TRPC4AP: variants seen among roughly 807,000 people sequenced by gnomAD.
TRPC4AP encodes the protein transient receptor potential cation channel subfamily C member 4 associated protein.
TRPC4AP carries 45 observed loss-of-function variants against 99.0 expected under a neutral mutation model. The ratio of observed to expected loss-of-function variants is 0.45; its 90% CI spans 0.36 to 0.58. TRPC4AP has a LOEUF of 0.58. TRPC4AP is among the 20% of genes least tolerant of loss of function. TRPC4AP has a pLI of 0.00. For missense variants in TRPC4AP, 879 were observed against 985.3 expected, an observed-to-expected ratio of 0.89 and a Z score of 1.44; for synonymous variants, 408 against 385.8, an observed-to-expected ratio of 1.06 and a Z score of -0.67.
In TRPC4AP at chr20:35,086,525, A is replaced by ATATG. The variant is rs1447423250; in HGVS notation, c.168+6088_168+6089insCATA. 1.2e-3 allele frequency among the ~76,000 whole-genome samples: 80 copies of ATATG among 69,224 alleles called. 2 individuals are homozygous for ATATG. The highest frequency in any genetic ancestry group is 4.4e-3 in the African/African-American group (77 of 17,516). 45.4% of individuals were successfully genotyped at this position (69,224 alleles called of 152,430 possible). ...TATATATATGTGTGTGTGTGTATAT[A>ATATG]TGTGTGTGTGTGTGTGTGTGTGTGT... is the stretch of plus-strand genomic sequence containing the variant. On this transcript the variant is annotated intron_variant, in intron 1 of 18. Coordinates refer to ENST00000252015, the MANE Select transcript of TRPC4AP (RefSeq NM_015638.3).
intron 8 of TRPC4AP, among the ~76,000 whole-genome samples, chr20:35,032,065 T>C (rs767068491): frequency 8.5e-5 from 13 of 152,174 alleles, no homozygotes; most frequent in Non-Finnish European, 1.6e-4. Context: ...AGCTTTTGTA[T>C]TTTTAATAGA....
chr20:35,065,488 A>G (rs2084119816), intron 3 of TRPC4AP, among the ~76,000 whole-genome samples: 1 of 152,240 alleles, frequency 6.6e-6, no homozygotes, highest in Non-Finnish European at 1.5e-5. Flanking sequence ...AGCTTTGGGC[A>G]GCATGACCAA....
rs1569158071 is a variant in TRPC4AP at position 35,086,539 on chromosome 20, G to GTATATATATA, written c.168+6074_168+6075insTATATATATA. Among the ~76,000 whole-genome samples the GTATATATATA allele has an allele frequency of 1.7e-3, 28 of 16,278 alleles. 2 individuals carry two copies. Among genetic ancestry groups the GTATATATATA allele is most frequent in the East Asian group, 0.012 (6 of 498 alleles). 10.7% of individuals were successfully genotyped at this position (16,278 alleles called of 152,430 possible). A position where few individuals can be genotyped will look rare whatever the true frequency, so the allele number is the denominator to read the frequency against. Reference sequence around the variant, plus strand: ...TGTGTGTATATATGTGTGTGTGTGTGTGTGTGTGTGTGTGTGTGTGTGTGT... The same window carrying GTATATATATA: ...TGTGTGTATATATGTGTGTGTGTGTGTATATATATATGTGTGTGTGTGTGTGTGTGTGTGT... On this transcript the variant is annotated intron_variant, in intron 1 of 18. Transcript: ENST00000252015.
intron 7 of TRPC4AP, among the ~76,000 whole-genome samples, chr20:35,038,106 G>A (rs145481400): frequency 2.0e-5 from 3 of 150,054 alleles, no homozygotes; most frequent in African/African-American, 4.9e-5. Flanking sequence ...TGTGTACGGC[G>A]TTTCCTTTTG....
At chr20:35,052,137 C>T (rs2083717120) in intron 5 of TRPC4AP, among the ~76,000 whole-genome samples, 1 of 149,596 alleles carries the variant, frequency 6.7e-6, no homozygotes, top group African/African-American at 2.5e-5. Context: ...CACTCTATAG[C>T]CCAGGCTGAG....
chr20:35,065,716 A>C (rs2084125948), intron 3 of TRPC4AP, among the ~76,000 whole-genome samples: 1 of 151,960 alleles, frequency 6.6e-6, no homozygotes, highest in African/African-American at 2.4e-5. Flanking sequence ...GGAAAGAAAA[A>C]CCCCCACAAA....
At chr20:35,048,840 A>G (rs1258151212) in intron 6 of TRPC4AP, among the ~76,000 whole-genome samples, 1 of 152,216 alleles carries the variant, frequency 6.6e-6, no homozygotes, top group Admixed American at 6.5e-5. Flanking sequence ...AATTACTGGA[A>G]TAACAACAAA....
intron 7 of TRPC4AP, 98 bp downstream of exon 7, chr20:35,044,407 A>AT: frequency 7.8e-7 from 1 of 1,275,336 alleles, no homozygotes; most frequent in Non-Finnish European, 1.1e-6. Context: ...AAGGAAAAAA[A>AT]AAAAAAAAGA....
In TRPC4AP at chr20:35,077,999, T is replaced by C. The variant is rs750821907; in HGVS notation, c.297+47A>G. 11 of 1,520,406 alleles carry C rather than the reference T, an allele frequency of 7.2e-6. No individual in the cohort carries two copies. The Admixed American group carries it at 1.5e-4, about 20-fold the overall frequency. The allele number at this position is 1,520,406 out of a possible 1,614,324, so 94.2% of individuals were successfully genotyped here. On this transcript the variant is annotated intron_variant, in intron 2 of 18. Coordinates refer to ENST00000252015, the MANE Select transcript of TRPC4AP (RefSeq NM_015638.3). ...AAAAAAAAACAGCAGACATCTTGTG[T>C]CACCTAGAGGCCCTGAATACGCCCC...
rs961896422 is a variant in TRPC4AP at position 35,079,408 on chromosome 20, A to G, written c.169-1234T>C. Among the ~76,000 whole-genome samples the G allele has an allele frequency of 6.6e-5, 10 of 152,358 alleles. No individual in the cohort carries two copies. The South Asian group carries it at 1.0e-3, about 16-fold the overall frequency. On this transcript the variant is annotated intron_variant, in intron 1 of 18. Coordinates refer to ENST00000252015, the MANE Select transcript of TRPC4AP (RefSeq NM_015638.3). ...GAAAGCAGTAATAAGCCAGAAGTGTATATCACTGAATGCATATAATAGAAA... is the reference window on the plus strand; with the variant it reads ...GAAAGCAGTAATAAGCCAGAAGTGTGTATCACTGAATGCATATAATAGAAA...
rs540714310 is a variant in TRPC4AP at position 35,031,270 on chromosome 20, C to G, written c.1051+3853G>C. ...TTCTTTTTGGAGGCAGGGTCTCGCT[C>G]TGTCACCCAGGCTGTGATTGCAGCT... On this transcript the variant is annotated intron_variant, in intron 8 of 18. Coordinates refer to ENST00000252015, the MANE Select transcript of TRPC4AP (RefSeq NM_015638.3). Among the ~76,000 whole-genome samples, 120 of 151,346 alleles carry G rather than the reference C, an allele frequency of 7.9e-4. 1 individual carries two copies. The highest frequency in any genetic ancestry group is 9.7e-4 in the Non-Finnish European group (66 of 67,930).
Position 35,002,490 on chromosome 20 carries a change from T to G in TRPC4AP, c.*656A>C. On this transcript the variant is annotated 3_prime_UTR_variant, in exon 19 of 19. Coordinates refer to ENST00000252015, the MANE Select transcript of TRPC4AP (RefSeq NM_015638.3). ...ATTGGCAACACAAGGAAGGGCCCCA[T>G]GTCCAGGCTCAGGCAGGAGCGGCTG... The G allele has an allele frequency of 3.5e-6, 1 of 286,472 alleles. No individual in the cohort carries two copies. Among genetic ancestry groups the G allele is most frequent in the Non-Finnish European group, 6.4e-6 (1 of 155,358 alleles). 17.7% of individuals were successfully genotyped at this position (286,472 alleles called of 1,614,324 possible).
At chr20:35,047,144 T>A (rs2083577419) in intron 6 of TRPC4AP, among the ~76,000 whole-genome samples, 1 of 152,122 alleles carries the variant, frequency 6.6e-6, no homozygotes, top group South Asian at 2.1e-4. Context: ...ATTACAGGCA[T>A]GAGAGCCACT....
chr20:35,060,787 C>A (rs879418036), intron 3 of TRPC4AP, among the ~76,000 whole-genome samples: 125 of 151,588 alleles, frequency 8.2e-4, no homozygotes, highest in Middle Eastern at 3.4e-3. Flanking sequence ...GAAAAAAAAA[C>A]CCAAAACACT....
intron 3 of TRPC4AP, among the ~76,000 whole-genome samples, chr20:35,061,385 ATTG>A (rs1386507970): frequency 6.6e-6 from 1 of 152,244 alleles, no homozygotes; most frequent in African/African-American, 2.4e-5. Context: ...AAGATTTAAT[ATTG>A]TTAAGATGAT....
chr20:35,090,104 A>G (rs2085009493), intron 1 of TRPC4AP, among the ~76,000 whole-genome samples: 2 of 150,234 alleles, frequency 1.3e-5, no homozygotes, highest in Admixed American at 1.3e-4. Context: ...TCTGTCTCAA[A>G]AAAAAAAAAG....
At chr20:35,071,921 T>C (rs529662493) in intron 2 of TRPC4AP, among the ~76,000 whole-genome samples, 32 of 152,208 alleles carry the variant, frequency 2.1e-4, no homozygotes, top group Admixed American at 2.0e-4. Flanking sequence ...AGTGTTCCTA[T>C]TTCTCCACAT....
chr20:35,057,321 C>G (rs1320059287), intron 4 of TRPC4AP, among the ~76,000 whole-genome samples, 193 bp downstream of exon 4: 1 of 152,160 alleles, frequency 6.6e-6, no homozygotes, highest in Non-Finnish European at 1.5e-5. Context: ...TAACCCAGAT[C>G]TGAATTTCTA....
intron 13 of TRPC4AP, among the ~76,000 whole-genome samples, chr20:35,008,380 G>A (rs2082558916): frequency 6.6e-6 from 1 of 152,148 alleles, no homozygotes; most frequent in South Asian, 2.1e-4. Context: ...CACAGCTCTA[G>A]GGAATTCATG....
Sources: gnomAD v4.1 joint callset for allele counts (sites outside exome capture counted in the v4.1 genomes callset) on GRCh38, gnomAD v4.1.1 for gene constraint, MANE v1.5 for transcripts, NCBI Gene and HGNC (gene_info 2026-07-23, HGNC 2026-07-21) for gene names.